The following LSAMP variants were observed in gnomAD, a reference collection of about 807,000 sequenced individuals.
LSAMP encodes the protein limbic system-associated membrane protein.
In LSAMP, 7 loss-of-function variants were observed where a neutral mutation model predicts 38.6. The ratio of observed to expected loss-of-function variants is 0.18; its 90% CI spans 0.10 to 0.34. The LOEUF is 0.34. Among genes scored for constraint, LSAMP ranks in the 10% least tolerant of loss-of-function variants. LSAMP has a pLI of 1.00. For missense variants in LSAMP, 313 were observed against 420.0 expected (o/e 0.75, Z 2.23); for synonymous variants, 154 against 166.8 (o/e 0.92, Z 0.59).
rs943201256 is a variant in LSAMP at position 115,805,442 on chromosome 3, T to C, written c.*4875A>G. 8 of 152,200 alleles carry C rather than the reference T, an allele frequency of 5.3e-5. No individual in the cohort carries two copies. Among genetic ancestry groups the C allele is most frequent in the Non-Finnish European group, 7.3e-5 (5 of 68,038 alleles). The allele number at this position is 152,200 out of a possible 1,614,324, so 9.4% of individuals were successfully genotyped here. A position where few individuals can be genotyped will look rare whatever the true frequency, so the allele number is the denominator to read the frequency against. ...ACCTTAGCAGTAGTTGGGCACTGCA[T>C]GAAAAATGAAGTTTACATAGTTTAT... On this transcript the variant is annotated 3_prime_UTR_variant, in exon 7 of 7. Transcript: ENST00000490035.
chr3:116,207,098 T>C (rs2107600884), intron 1 of LSAMP, among the ~76,000 whole-genome samples: 1 of 152,236 alleles, frequency 6.6e-6, no homozygotes, highest in South Asian at 2.1e-4. Flanking sequence ...CTGTATTGGG[T>C]GCATATATAT....
At position 116,218,914 on chromosome 3, in the gene LSAMP, C is replaced by T. The variant is rs187995894; in HGVS notation, c.156-132358G>A. Among the ~76,000 whole-genome samples the T allele has an allele frequency of 1.8e-3, 277 of 152,280 alleles. 3 individuals carry two copies. The highest frequency in any genetic ancestry group is 6.5e-3 in the African/African-American group (269 of 41,558). On this transcript the variant is annotated intron_variant, in intron 1 of 6. Coordinates refer to ENST00000490035, the MANE Select transcript of LSAMP (RefSeq NM_002338.5). Reference sequence around the variant, plus strand: ...AACAATGTATGCCTCTGCTTTTGAACCCAAGTACAAAAGAACCATATACTT... The same window carrying T: ...AACAATGTATGCCTCTGCTTTTGAATCCAAGTACAAAAGAACCATATACTT...
chr3:116,372,090 C>G (rs1023920426), intron 1 of LSAMP, among the ~76,000 whole-genome samples: 1 of 151,936 alleles, frequency 6.6e-6, no homozygotes, highest in Non-Finnish European at 1.5e-5. Context: ...ATTAAGATAT[C>G]AATACTACCC....
intron 1 of LSAMP, among the ~76,000 whole-genome samples, chr3:116,388,816 G>A (rs2048656898): frequency 6.6e-6 from 1 of 152,060 alleles, no homozygotes; most frequent in Non-Finnish European, 1.5e-5. Context: ...TGAAAGTTCT[G>A]GGCACAAGCA....
At chr3:116,387,467 T>C (rs1163053012) in intron 1 of LSAMP, among the ~76,000 whole-genome samples, 1 of 152,110 alleles carries the variant, frequency 6.6e-6, no homozygotes, top group Non-Finnish European at 1.5e-5. Flanking sequence ...TCCAGAACCA[T>C]AGTCCAAATA....
At chr3:116,143,252 A>G (rs1455995724) in intron 1 of LSAMP, among the ~76,000 whole-genome samples, 31 of 151,814 alleles carry the variant, frequency 2.0e-4, no homozygotes, top group Non-Finnish European at 1.2e-4. Context: ...TTCATCATGT[A>G]TCAGTTTTGC....
At chr3:115,950,788 C>A (rs1315518838) in intron 3 of LSAMP, among the ~76,000 whole-genome samples, 2 of 33,844 alleles carry the variant, frequency 5.9e-5, no homozygotes, top group Admixed American at 4.3e-4. Flanking sequence ...ATAACCAAAG[C>A]AAGACTTAGC....
intron 1 of LSAMP, among the ~76,000 whole-genome samples, chr3:116,404,452 C>T (rs958801676): frequency 6.6e-6 from 1 of 151,934 alleles, no homozygotes; most frequent in Non-Finnish European, 1.5e-5. Flanking sequence ...TTGCAAAGTG[C>T]CTTACATAGA....
intron 1 of LSAMP, among the ~76,000 whole-genome samples, chr3:116,390,132 TAC>T (rs10661312): frequency 0.021 from 3,152 of 146,946 alleles, 39 homozygotes; most frequent in East Asian, 0.033. Context: ...TATGTATGTA[TAC>T]ACACACACAC....
rs1303244493 is a variant in LSAMP, at chr3:116,082,394, C to A, written c.388+3930G>T. On this transcript the variant is annotated intron_variant, in intron 2 of 6. Transcript: ENST00000490035. ...GATTTTTGTGTGTGTGCATCTGAATCACCTGCAGAGCACAATGATTCAGAA... is the reference window on the plus strand; with the variant it reads ...GATTTTTGTGTGTGTGCATCTGAATAACCTGCAGAGCACAATGATTCAGAA... 2.6e-5 allele frequency among the ~76,000 whole-genome samples: 4 copies of A among 152,174 alleles called. No individual in the cohort carries two copies. The East Asian group carries it at 7.7e-4, about 29-fold the overall frequency.
At chr3:115,908,979 T>C (rs1937076214) in intron 3 of LSAMP, among the ~76,000 whole-genome samples, 1 of 152,204 alleles carries the variant, frequency 6.6e-6, no homozygotes, top group South Asian at 2.1e-4. Flanking sequence ...CATGATCATG[T>C]ACTTAAATTT....
chr3:115,924,714 T>C (rs1051111054), intron 3 of LSAMP, among the ~76,000 whole-genome samples: 1 of 152,190 alleles, frequency 6.6e-6, no homozygotes, highest in African/African-American at 2.4e-5. Context: ...AAATACAATA[T>C]GCTTAAAAAT....
chr3:116,276,352 A>G (rs115408804), intron 1 of LSAMP, among the ~76,000 whole-genome samples: 2,006 of 152,360 alleles, frequency 0.013, 35 homozygotes, highest in African/African-American at 0.045. Context: ...GATTGTTTTA[A>G]GAATTAGTTT....
intron 1 of LSAMP, among the ~76,000 whole-genome samples, chr3:116,357,691 A>C (rs1011202075): frequency 6.6e-6 from 1 of 152,166 alleles, no homozygotes; most frequent in African/African-American, 2.4e-5. Context: ...CACATTTTAT[A>C]TATATGCTGC....
intron 1 of LSAMP, among the ~76,000 whole-genome samples, chr3:116,405,022 A>C (rs1403747620): frequency 1.3e-5 from 2 of 152,150 alleles, no homozygotes; most frequent in South Asian, 2.1e-4. Context: ...AAAAGAGCCC[A>C]AAATCATTGG....
intron 1 of LSAMP, among the ~76,000 whole-genome samples, chr3:116,236,510 T>C (rs1454142732): frequency 6.6e-6 from 1 of 152,142 alleles, no homozygotes; most frequent in Non-Finnish European, 1.5e-5. Context: ...TCACTATTGG[T>C]GCCCACTTTG....
intron 2 of LSAMP, among the ~76,000 whole-genome samples, chr3:116,020,216 T>C (rs1232349943): frequency 6.6e-6 from 1 of 152,140 alleles, no homozygotes; most frequent in Admixed American, 6.6e-5. Flanking sequence ...TGAAGTATCT[T>C]AGAACTTAAA....
intron 3 of LSAMP, among the ~76,000 whole-genome samples, chr3:115,983,890 T>G (rs992360870): frequency 6.6e-6 from 1 of 152,198 alleles, no homozygotes; most frequent in Non-Finnish European, 1.5e-5. Context: ...AGTGGCAATG[T>G]TAACATTAAG....
chr3:116,175,546 A>T (rs1200025209), intron 1 of LSAMP, among the ~76,000 whole-genome samples: 2 of 152,040 alleles, frequency 1.3e-5, no homozygotes. Context: ...CTGGGAAGCC[A>T]GGAAGTATAA....
Sources: allele counts gnomAD v4.1 joint callset (sites outside exome capture counted in the v4.1 genomes callset), GRCh38; gene constraint gnomAD v4.1.1; transcripts MANE v1.5; gene names NCBI Gene and HGNC (gene_info 2026-07-23, HGNC 2026-07-21).